Variants in FBLN1 observed in about 807,000 individuals in gnomAD.
FBLN1 encodes the protein fibulin-1.
Under a neutral mutation model 89.7 loss-of-function variants are expected in FBLN1, and 34 were observed. The observed-to-expected ratio is 0.38, with a 90% CI of 0.29 to 0.50. The LOEUF (loss-of-function observed/expected upper bound fraction) is 0.50. FBLN1 is among the 20% of genes least tolerant of loss of function. FBLN1 has a pLI of 0.92. For synonymous variants in FBLN1, 393 were observed against 391.3 expected, an observed-to-expected ratio of 1.00 and a Z score of -0.05; for missense variants, 777 against 988.1, an observed-to-expected ratio of 0.79 and a Z score of 2.86.
intron 1 of FBLN1, among the ~76,000 whole-genome samples, chr22:45,516,470 C>G (rs1329420831): frequency 2.0e-5 from 3 of 152,174 alleles, no homozygotes; most frequent in East Asian, 3.9e-4. Context: ...TGAATTAGAG[C>G]AAGAATGAAT....
At chr22:45,573,424 C>T (rs147160115) in intron 14 of FBLN1, among the ~76,000 whole-genome samples, 1,575 of 151,398 alleles carry the variant, frequency 0.01, 35 homozygotes, top group African/African-American at 0.037. Flanking sequence ...GCCTGTAATC[C>T]CAGCACTTTG....
chr22:45,503,121 C>G, intron 1 of FBLN1, 57 bp downstream of exon 1: 1 of 1,183,964 alleles, frequency 8.4e-7, no homozygotes, highest in African/African-American at 1.6e-5. Flanking sequence ...CTCGGCCTCG[C>G]GCTCCCTGCG....
At position 45,577,192 on chromosome 22, in the gene FBLN1, C is replaced by G. The variant is rs373645608; in HGVS notation, c.1972+84C>G. ...CTCTCTGGCCCAGCCCAACTCCCAT[C>G]TGAGTCCCCTCCCCAAATTCAAGCC... On this transcript the variant is annotated intron_variant, in intron 16 of 16. Transcript: ENST00000327858. The surrounding 1 kb of genome is among the most constrained non-coding windows in gnomAD (Gnocchi z 6.6). 4.7e-6 allele frequency: 7 copies of G among 1,483,214 alleles called. No individual in the cohort carries two copies. Among genetic ancestry groups the G allele is most frequent in the South Asian group, 4.6e-5 (4 of 86,980 alleles). The allele number at this position is 1,483,214 out of a possible 1,614,324, so 91.9% of individuals were successfully genotyped here.
rs974235759 is a variant in FBLN1 at position 45,528,120 on chromosome 22, G to A, written c.484+111G>A. The A allele has an allele frequency of 4.0e-5, 46 of 1,150,458 alleles. No individual in the cohort carries two copies. In the African/African-American group the frequency reaches 5.1e-4, roughly 13 times the overall value. The allele number at this position is 1,150,458 out of a possible 1,614,324, so 71.3% of individuals were successfully genotyped here. On this transcript the variant is annotated intron_variant, in intron 4 of 16. Transcript: ENST00000327858. ...TTTTAAGGACTTGGCTCATGTGATC[G>A]TGGGGCTGGCAAGTCCAAAATCTGC...
At position 45,527,919 on chromosome 22, in the gene FBLN1, G is replaced by A. The variant is rs749161061; in HGVS notation, c.394G>A (p.Val132Ile). ...QGQSCEYSLM[V>I]GYQCGQVFQA... Reference sequence around the variant, plus strand: ...CCAGAGCTGCGAGTACAGCCTCATGGTTGGCTACCAGTGTGGACAGGTCTT... The same window carrying A: ...CCAGAGCTGCGAGTACAGCCTCATGATTGGCTACCAGTGTGGACAGGTCTT... The change falls in exon 4 of 17, where the codon GTT becomes ATT. Residue 132 changes from valine (V) to isoleucine (I), a missense_variant. Transcript: ENST00000327858. 5 of 1,614,064 alleles carry A rather than the reference G, an allele frequency of 3.1e-6. No individual in the cohort carries two copies. In the South Asian group the frequency reaches 5.5e-5, roughly 18 times the overall value.
chr22:45,554,534 C>T (rs1344290053), intron 14 of FBLN1, among the ~76,000 whole-genome samples: 1 of 152,216 alleles, frequency 6.6e-6, no homozygotes, highest in Non-Finnish European at 1.5e-5. Context: ...AAATGCAAGG[C>T]CTCCTGTCAG....
chr22:45,564,835 T>C, intron 14 of FBLN1: 2 of 1,610,960 alleles, frequency 1.2e-6, no homozygotes, highest in Non-Finnish European at 1.7e-6. Context: ...CCCTGGCTTA[T>C]GTCACTAGCA....
At chr22:45,526,699 C>T (rs1450733025) in intron 3 of FBLN1, among the ~76,000 whole-genome samples, 4 of 152,184 alleles carry the variant, frequency 2.6e-5, no homozygotes, top group Non-Finnish European at 5.9e-5. Context: ...TTGGGGGTCC[C>T]GAGTCCCCTG....
intron 8 of FBLN1, among the ~76,000 whole-genome samples, chr22:45,539,435 A>G (rs1018639827): frequency 1.3e-5 from 2 of 152,040 alleles, no homozygotes; most frequent in African/African-American, 4.8e-5. Context: ...TCTTGACCTC[A>G]GGTGATCCAC....
chr22:45,567,460 A>G (rs2088909312), intron 14 of FBLN1, among the ~76,000 whole-genome samples: 1 of 152,198 alleles, frequency 6.6e-6, no homozygotes, highest in Non-Finnish European at 1.5e-5. Flanking sequence ...TACCAAAAAT[A>G]CAACAATTAG....
At chr22:45,565,492 A>C in intron 14 of FBLN1, 1 of 328,740 alleles carries the variant, frequency 3.0e-6, no homozygotes, top group East Asian at 7.9e-5. Context: ...TCACCTCCTC[A>C]GTGCAGTTAG....
Position 45,578,300 on chromosome 22 carries a change from A to G in FBLN1, c.1972+1192A>G, listed in dbSNP as rs2089015038. 3 of 152,250 alleles carry G rather than the reference A, an allele frequency of 2.0e-5. No individual in the cohort carries two copies. Among genetic ancestry groups the G allele is most frequent in the South Asian group, 2.1e-4 (1 of 4,832 alleles). The allele number at this position is 152,250 out of a possible 1,614,324, so 9.4% of individuals were successfully genotyped here. A position where few individuals can be genotyped will look rare whatever the true frequency, so the allele number is the denominator to read the frequency against. ...CCCGTCTTGCCAAAGAGCCATTTAT[A>G]GCACCTTTACAAGCTTTTAAATGGG... On this transcript the variant is annotated intron_variant, in intron 16 of 16. Coordinates refer to ENST00000327858, the MANE Select transcript of FBLN1 (RefSeq NM_006486.3). This position sits in a 1 kb window ranked among gnomAD's most constrained non-coding sequence, Gnocchi z 4.6.
chr22:45,591,765 G>C (rs763259921), intron 16 of FBLN1, among the ~76,000 whole-genome samples: 4 of 152,008 alleles, frequency 2.6e-5, no homozygotes, highest in Non-Finnish European at 5.9e-5. Context: ...GCTAAGGGCA[G>C]TACAGTCGGG....
intron 11 of FBLN1, among the ~76,000 whole-genome samples, chr22:45,546,722 T>G (rs919971115): frequency 6.6e-6 from 1 of 152,124 alleles, no homozygotes; most frequent in Non-Finnish European, 1.5e-5. Context: ...TTGTGTGCCG[T>G]CATCTGTTTA....
At chr22:45,564,454 G>T (rs1311712155) in intron 14 of FBLN1, among the ~76,000 whole-genome samples, 1 of 152,192 alleles carries the variant, frequency 6.6e-6, no homozygotes, top group Non-Finnish European at 1.5e-5. Flanking sequence ...TTCTATCCTT[G>T]CCCACTTCCC....
At position 45,550,822 on chromosome 22, in the gene FBLN1, A is replaced by C. The variant is rs2088692393; in HGVS notation, c.1697+207A>C. ...AAAGTCAAGGGGGTAACTGCAAATGAGTCTGGGGTCTATAGTCATGTTTTC... is the reference window on the plus strand; with the variant it reads ...AAAGTCAAGGGGGTAACTGCAAATGCGTCTGGGGTCTATAGTCATGTTTTC... On this transcript the variant is annotated intron_variant, in intron 14 of 16. Coordinates refer to ENST00000327858, the MANE Select transcript of FBLN1 (RefSeq NM_006486.3). This position sits in a 1 kb window ranked among gnomAD's most constrained non-coding sequence, Gnocchi z 8.4. 1.5e-6 allele frequency: 1 copy of C among 682,926 alleles called. No individual in the cohort carries two copies. The highest frequency in any genetic ancestry group is 4.0e-4 in the Middle Eastern group (1 of 2,522). The allele number at this position is 682,926 out of a possible 1,614,324, so 42.3% of individuals were successfully genotyped here. A position where few individuals can be genotyped will look rare whatever the true frequency, so the allele number is the denominator to read the frequency against.
At position 45,550,369 on chromosome 22, in the gene FBLN1, GCAGGGATGGC is replaced by G. The variant is rs570751355; in HGVS notation, c.1574-121_1574-112del. On this transcript the variant is annotated intron_variant, in intron 13 of 16. Transcript: ENST00000327858. This position sits in a 1 kb window ranked among gnomAD's most constrained non-coding sequence, Gnocchi z 8.4. ...TGCTCTGAAGATCAGCCAGTGGAGGGCAGGGATGGCCTGATCGCCACCCCTAACCCTAGTT... is the reference window on the plus strand; with the variant it reads ...TGCTCTGAAGATCAGCCAGTGGAGGGCTGATCGCCACCCCTAACCCTAGTT... 7 of 1,325,124 alleles carry G rather than the reference GCAGGGATGGC, an allele frequency of 5.3e-6. No homozygotes were observed. Among genetic ancestry groups the G allele is most frequent in the Non-Finnish European group, 6.5e-6 (6 of 929,418 alleles). The allele number at this position is 1,325,124 out of a possible 1,614,324, so 82.1% of individuals were successfully genotyped here. A position where few individuals can be genotyped will look rare whatever the true frequency, so the allele number is the denominator to read the frequency against.
chr22:45,509,529 C>G (rs2088069850), intron 1 of FBLN1, among the ~76,000 whole-genome samples: 1 of 151,876 alleles, frequency 6.6e-6, no homozygotes, highest in Non-Finnish European at 1.5e-5. Context: ...GCCAGGTGGT[C>G]TTGAAGAGGG....
At chr22:45,528,430 C>T (rs549312195) in intron 4 of FBLN1, among the ~76,000 whole-genome samples, 4 of 152,164 alleles carry the variant, frequency 2.6e-5, no homozygotes, top group East Asian at 3.9e-4. Context: ...CGGCAACCTC[C>T]GCCTCCCGGG....
Sources: allele counts gnomAD v4.1 joint callset (sites outside exome capture counted in the v4.1 genomes callset), GRCh38; gene constraint gnomAD v4.1.1; non-coding constraint Gnocchi (gnomAD v3.1); transcripts MANE v1.5; gene names NCBI Gene and HGNC (gene_info 2026-07-23, HGNC 2026-07-21).